WWP2: variants seen among roughly 807,000 people sequenced by gnomAD.
The protein encoded by WWP2 is NEDD4-like E3 ubiquitin-protein ligase WWP2.
In WWP2, 57 loss-of-function variants were observed where a neutral mutation model predicts 121.0. That is an observed-to-expected ratio of 0.47 (90% confidence interval 0.38 to 0.59). The LOEUF (loss-of-function observed/expected upper bound fraction) is 0.59. Ranked by LOEUF, WWP2 falls within the 20% of genes least tolerant of loss-of-function variation. The pLI, the probability that WWP2 is intolerant of heterozygous loss-of-function variation, is 0.00. For missense variants in WWP2, 962 were observed against 1,158.9 expected (o/e 0.83, Z 2.47); for synonymous variants, 449 against 441.3 (o/e 1.02, Z -0.22).
At chr16:69,784,091 C>CTTTTTTTTTTTTTTTTTTTT (rs61650147) in intron 1 of WWP2, among the ~76,000 whole-genome samples, 1 of 60,874 alleles carries the variant, frequency 1.6e-5, no homozygotes, top group African/African-American at 6.8e-5. Flanking sequence ...TTCTTTCTTT[C>CTTTTTTTTTTTTTTTTTTTT]TTTTTTTTTT....
chr16:69,803,666 G>A (rs1435853119), intron 4 of WWP2, among the ~76,000 whole-genome samples: 1 of 152,184 alleles, frequency 6.6e-6, no homozygotes, highest in Non-Finnish European at 1.5e-5. Context: ...TCCCAGACCT[G>A]GGAGGCGGAG....
chr16:69,788,005 CT>C (rs2055828419), intron 2 of WWP2: 1 of 152,448 alleles, frequency 6.6e-6, no homozygotes, highest in South Asian at 2.1e-4. Flanking sequence ...TGTCCTGTCT[CT>C]CGGCTTCTGC....
chr16:69,789,742 T>G (rs962796329), intron 2 of WWP2, among the ~76,000 whole-genome samples: 1 of 152,190 alleles, frequency 6.6e-6, no homozygotes, highest in African/African-American at 2.4e-5. Flanking sequence ...TTGTCAGACT[T>G]TTAACTTTTG....
chr16:69,795,542 A>G (rs1024095617), intron 2 of WWP2, among the ~76,000 whole-genome samples: 18 of 152,108 alleles, frequency 1.2e-4, no homozygotes, highest in Non-Finnish European at 2.5e-4. Flanking sequence ...CTATAGACAC[A>G]TAGAACAGAA....
intron 7 of WWP2, among the ~76,000 whole-genome samples, chr16:69,874,421 C>A (rs1175551363): frequency 6.6e-6 from 1 of 152,170 alleles, no homozygotes; most frequent in Non-Finnish European, 1.5e-5. Context: ...GGAAGAGTTT[C>A]CACAGACTTG....
chr16:69,926,643 G>C (rs933272637), intron 11 of WWP2, among the ~76,000 whole-genome samples: 1 of 152,080 alleles, frequency 6.6e-6, no homozygotes, highest in Admixed American at 6.5e-5. Context: ...GGGCCTTCTG[G>C]TCCTTCTGAT....
At chr16:69,906,312 T>A (rs1457069863) in intron 8 of WWP2, among the ~76,000 whole-genome samples, 4 of 152,136 alleles carry the variant, frequency 2.6e-5, no homozygotes, top group Admixed American at 6.5e-5. Flanking sequence ...GACCTTGTGA[T>A]CTGCCCGCCT....
At chr16:69,857,036 TG>T (rs1179438701) in intron 6 of WWP2, among the ~76,000 whole-genome samples, 1 of 152,198 alleles carries the variant, frequency 6.6e-6, no homozygotes, top group East Asian at 1.9e-4. Context: ...TCTTTAGAGT[TG>T]TTTTCTTCCT....
chr16:69,801,632 C>T (rs1056850319), intron 4 of WWP2, among the ~76,000 whole-genome samples: 1 of 152,038 alleles, frequency 6.6e-6, no homozygotes, highest in Non-Finnish European at 1.5e-5. Flanking sequence ...ACTGTAGCCT[C>T]AAACTCCCAG....
intron 4 of WWP2, among the ~76,000 whole-genome samples, chr16:69,816,698 C>G (rs1044979220): frequency 2.0e-5 from 3 of 152,030 alleles, no homozygotes; most frequent in African/African-American, 7.2e-5. Flanking sequence ...TACATATACA[C>G]ACGTATACAT....
rs767918642 is a variant in WWP2 at position 69,860,232 on chromosome 16, A to G, written c.576-11572A>G. On this transcript the variant is annotated intron_variant, in intron 6 of 23. Coordinates refer to ENST00000359154, the MANE Select transcript of WWP2 (RefSeq NM_001270454.2). Reference sequence around the variant, plus strand: ...AGTCGGGGAGGTGATGAGTGACTGGATTGGAAAGAATATGCAAAGTACTGG... The same window carrying G: ...AGTCGGGGAGGTGATGAGTGACTGGGTTGGAAAGAATATGCAAAGTACTGG... 2.6e-5 allele frequency among the ~76,000 whole-genome samples: 4 copies of G among 152,266 alleles called. No homozygotes were observed. The South Asian group carries it at 8.3e-4, about 32-fold the overall frequency.
Position 69,866,869 on chromosome 16 carries a change from G to A in WWP2, c.576-4935G>A, listed in dbSNP as rs1248037762. On this transcript the variant is annotated intron_variant, in intron 6 of 23. Coordinates refer to ENST00000359154, the MANE Select transcript of WWP2 (RefSeq NM_001270454.2). ...TTATTTATTTTTGAGACGGAGTCTC[G>A]CTCTGTCGCCCAGGCTGGAATGCAG... Among the ~76,000 whole-genome samples, 7 of 150,756 alleles carry A rather than the reference G, an allele frequency of 4.6e-5. No homozygotes were observed. In the East Asian group the frequency reaches 5.8e-4, roughly 13 times the overall value.
At chr16:69,828,214 C>T (rs2056737183) in intron 4 of WWP2, among the ~76,000 whole-genome samples, 1 of 151,908 alleles carries the variant, frequency 6.6e-6, no homozygotes, top group Admixed American at 6.6e-5. Flanking sequence ...CCCAATCCAC[C>T]TTCCTTTCTT....
Position 69,883,553 on chromosome 16 carries a change from A to G in WWP2, c.704-4486A>G, listed in dbSNP as rs527544415. ...CTGTTTCCAAATCTGAACTCAAGGT[A>G]TAGCACAAACTTTCTTTTTTTCAAC... On this transcript the variant is annotated intron_variant, in intron 7 of 23. Coordinates refer to ENST00000359154, the MANE Select transcript of WWP2 (RefSeq NM_001270454.2). 1.1e-4 allele frequency among the ~76,000 whole-genome samples: 17 copies of G among 152,318 alleles called. No homozygotes were observed. The South Asian group carries it at 3.5e-3, about 32-fold the overall frequency.
chr16:69,777,408 C>G (rs1488666802), intron 1 of WWP2, among the ~76,000 whole-genome samples: 1 of 151,840 alleles, frequency 6.6e-6, no homozygotes, highest in African/African-American at 2.4e-5. Flanking sequence ...TCAAGCAATT[C>G]TCCTGCCTCA....
chr16:69,841,924 T>A, intron 5 of WWP2, 100 bp from the exon 6 acceptor site: 1 of 1,227,192 alleles, frequency 8.1e-7, no homozygotes, highest in Non-Finnish European at 1.2e-6. Context: ...GGTGGGCAAC[T>A]CTAACACACA....
chr16:69,883,811 A>C (rs1396974727), intron 7 of WWP2, among the ~76,000 whole-genome samples: 1 of 152,108 alleles, frequency 6.6e-6, no homozygotes, highest in Non-Finnish European at 1.5e-5. Context: ...AGGCCTGTGG[A>C]CATGTACAGC....
At chr16:69,841,432 G>A (rs1217853180) in intron 5 of WWP2, among the ~76,000 whole-genome samples, 3 of 152,066 alleles carry the variant, frequency 2.0e-5, no homozygotes, top group East Asian at 3.9e-4. Flanking sequence ...CTTGGCCTGT[G>A]GTGGGAACAG....
At chr16:69,827,786 C>G (rs1283281670) in intron 4 of WWP2, 1 of 427,404 alleles carries the variant, frequency 2.3e-6, no homozygotes, top group East Asian at 7.0e-5. Context: ...CAGGGACTCT[C>G]CCTCCCCTCG....
Sources: gnomAD v4.1 joint callset for allele counts (sites outside exome capture counted in the v4.1 genomes callset) on GRCh38, gnomAD v4.1.1 for gene constraint, MANE v1.5 for transcripts, NCBI Gene and HGNC (gene_info 2026-07-23, HGNC 2026-07-21) for gene names.